GLIS3: variants seen among roughly 807,000 people sequenced by gnomAD.
The protein encoded by GLIS3 is GLIS family zinc finger 3.
Under a neutral mutation model 78.6 loss-of-function variants are expected in GLIS3, and 53 were observed. The observed-to-expected ratio is 0.67, with a 90% CI of 0.54 to 0.85. GLIS3 has a LOEUF of 0.85. Ranked by LOEUF, GLIS3 falls within the 40% of genes least tolerant of loss-of-function variation. The pLI is 0.00. For missense variants in GLIS3, 1,703 were observed against 1,231.1 expected, an observed-to-expected ratio of 1.38 and a Z score of -5.74; for synonymous variants, 684 against 509.9, an observed-to-expected ratio of 1.34 and a Z score of -4.60.
intron 4 of GLIS3, among the ~76,000 whole-genome samples, chr9:3,964,413 C>A (rs112697270): frequency 0.024 from 3,614 of 152,036 alleles, 145 homozygotes; most frequent in African/African-American, 0.083. Flanking sequence ...AAGGTCAAGA[C>A]GTTACCCCCC....
At chr9:4,150,763 A>G (rs1834616715) in intron 2 of GLIS3, among the ~76,000 whole-genome samples, 1 of 152,184 alleles carries the variant, frequency 6.6e-6, no homozygotes. Context: ...TATTTTATAA[A>G]TTGTAAAATT....
At chr9:4,462,505 C>T in the GLIS3 span, among the ~76,000 whole-genome samples, 1 of 151,896 alleles carries the variant, frequency 6.6e-6, no homozygotes, top group South Asian at 2.1e-4. Flanking sequence ...GCCTGTAATC[C>T]CAGCACTTTG....
the GLIS3 span, among the ~76,000 whole-genome samples, chr9:4,477,963 T>C: frequency 6.6e-6 from 1 of 152,236 alleles, no homozygotes; most frequent in African/African-American, 2.4e-5. Flanking sequence ...TTCTAAGCCT[T>C]GTCCACTGAA....
intron 2 of GLIS3, among the ~76,000 whole-genome samples, chr9:4,338,214 G>C (rs950987893): frequency 6.6e-6 from 1 of 152,140 alleles, no homozygotes; most frequent in Non-Finnish European, 1.5e-5. Flanking sequence ...GCTGCTATGT[G>C]TTGGCAGTGT....
intron 4 of GLIS3, among the ~76,000 whole-genome samples, chr9:4,105,800 T>G (rs1042368560): frequency 5.9e-5 from 9 of 152,154 alleles, no homozygotes; most frequent in Non-Finnish European, 1.0e-4. Flanking sequence ...CCTCATTCTA[T>G]GGGCACAGCA....
At chr9:4,459,277 T>C in the GLIS3 span, among the ~76,000 whole-genome samples, 1 of 152,026 alleles carries the variant, frequency 6.6e-6, no homozygotes, top group African/African-American at 2.4e-5. Flanking sequence ...GATGTGGGAA[T>C]ATAAGAGAAA....
intron 4 of GLIS3, among the ~76,000 whole-genome samples, chr9:4,018,206 C>A (rs1244578866): frequency 2.0e-5 from 3 of 152,176 alleles, no homozygotes; most frequent in Non-Finnish European, 4.4e-5. Context: ...GCTTGCTAGG[C>A]CTTTGTCACA....
chr9:3,896,668 ATT>A (rs1822858011), intron 7 of GLIS3, among the ~76,000 whole-genome samples: 4 of 146,792 alleles, frequency 2.7e-5, no homozygotes, highest in Admixed American at 6.8e-5. Flanking sequence ...TCCCATCTCA[ATT>A]AAAAAAAAAA....
At position 4,130,259 on chromosome 9, in the gene GLIS3, A is replaced by T. The variant is rs112957048; in HGVS notation, c.389-4318T>A. Among the ~76,000 whole-genome samples, 1,014 of 152,390 alleles carry T rather than the reference A, an allele frequency of 6.7e-3. 10 individuals carry two copies. Among genetic ancestry groups the T allele is most frequent in the African/African-American group, 0.023 (945 of 41,600 alleles). On this transcript the variant is annotated intron_variant, in intron 2 of 10. Coordinates refer to ENST00000381971, the MANE Select transcript of GLIS3 (RefSeq NM_001042413.2). The stretch of plus-strand genomic sequence containing the variant: ...ATTTACAGCCTGGCCATGTGGTAGA[A>T]AAGAAAAAAGCGTTTTCAGGAGAGG...
intron 9 of GLIS3, among the ~76,000 whole-genome samples, chr9:3,845,444 A>T (rs977079128): frequency 2.0e-5 from 3 of 152,158 alleles, no homozygotes; most frequent in African/African-American, 7.2e-5. Flanking sequence ...TTTAATAGTC[A>T]TTACCTTTGA....
intron 2 of GLIS3, among the ~76,000 whole-genome samples, chr9:4,157,437 T>C (rs1433079111): frequency 6.6e-6 from 1 of 152,122 alleles, no homozygotes; most frequent in Non-Finnish European, 1.5e-5. Context: ...GAAATGTTCA[T>C]CTCATGTTAT....
chr9:4,463,998 G>T, the GLIS3 span, among the ~76,000 whole-genome samples: 1 of 152,328 alleles, frequency 6.6e-6, no homozygotes, highest in African/African-American at 2.4e-5. Flanking sequence ...CAAGTTGAAA[G>T]AAATCTTAGA....
At chr9:4,291,451 A>G (rs910114152) in intron 1 of GLIS3, among the ~76,000 whole-genome samples, 2 of 152,120 alleles carry the variant, frequency 1.3e-5, no homozygotes, top group Non-Finnish European at 2.9e-5. Context: ...TTTCATTTTT[A>G]TATTTTATAA....
At chr9:4,219,645 A>C (rs1308443175) in intron 2 of GLIS3, among the ~76,000 whole-genome samples, 1 of 152,214 alleles carries the variant, frequency 6.6e-6, no homozygotes, top group African/African-American at 2.4e-5. Context: ...TCCTAACTTG[A>C]TGTTAGTTAA....
intron 4 of GLIS3, among the ~76,000 whole-genome samples, chr9:4,062,295 G>A (rs745607698): frequency 8.5e-5 from 13 of 152,156 alleles, no homozygotes; most frequent in Non-Finnish European, 1.3e-4. Context: ...CTTGAGGACC[G>A]ACTGTCAGTT....
chr9:3,864,273 G>T (rs540592871), intron 8 of GLIS3, among the ~76,000 whole-genome samples: 1 of 152,148 alleles, frequency 6.6e-6, no homozygotes, highest in Admixed American at 6.5e-5. Flanking sequence ...CAGACATAGC[G>T]TTCAATCTAC....
the GLIS3 span, among the ~76,000 whole-genome samples, chr9:4,371,664 C>T: frequency 6.6e-6 from 1 of 152,178 alleles, no homozygotes; most frequent in African/African-American, 2.4e-5. Context: ...CCTCTGCCCC[C>T]TGCCTCATCT....
chr9:3,870,462 C>G (rs916530701), intron 8 of GLIS3, among the ~76,000 whole-genome samples: 2 of 152,136 alleles, frequency 1.3e-5, no homozygotes, highest in African/African-American at 4.8e-5. Flanking sequence ...AAAGACGTAC[C>G]TGAGACTGGG....
chr9:4,350,590 TG>T (rs1427032066), upstream of GLIS3, among the ~76,000 whole-genome samples: 1 of 152,214 alleles, frequency 6.6e-6, no homozygotes, highest in African/African-American at 2.4e-5. Context: ...ATCTCTATTT[TG>T]GGGTGGGGAT....
Sources: allele counts gnomAD v4.1 joint callset (sites outside exome capture counted in the v4.1 genomes callset), GRCh38; gene constraint gnomAD v4.1.1; transcripts MANE v1.5; gene names NCBI Gene and HGNC (gene_info 2026-07-23, HGNC 2026-07-21).